Variants in PTPRO observed in about 807,000 individuals in gnomAD.
PTPRO encodes protein tyrosine phosphatase receptor type O.
In PTPRO, 62 loss-of-function variants were observed where a neutral mutation model predicts 145.2. The ratio of observed to expected loss-of-function variants is 0.43; its 90% confidence interval spans 0.35 to 0.53. The LOEUF (loss-of-function observed/expected upper bound fraction) is 0.53. Among genes scored for constraint, PTPRO ranks in the 20% least tolerant of loss-of-function variants. The pLI is 0.01. For missense variants in PTPRO, 1,345 were observed against 1,482.7 expected, an observed-to-expected ratio of 0.91 and a Z score of 1.53; for synonymous variants, 565 against 514.7, an observed-to-expected ratio of 1.10 and a Z score of -1.32.
intron 1 of PTPRO, among the ~76,000 whole-genome samples, chr12:15,417,687 T>G (rs1472907114): frequency 1.3e-5 from 2 of 151,644 alleles, no homozygotes; most frequent in Non-Finnish European, 2.9e-5. Flanking sequence ...TTGATCACAC[T>G]CCAGTTCCTT....
At chr12:15,357,185 A>C (rs1331067024) in intron 1 of PTPRO, among the ~76,000 whole-genome samples, 1 of 152,238 alleles carries the variant, frequency 6.6e-6, no homozygotes, top group African/African-American at 2.4e-5. Context: ...AGAACATGTT[A>C]GTTGAAATTA....
chr12:15,426,680 C>A (rs1329343520), intron 1 of PTPRO, among the ~76,000 whole-genome samples: 3 of 152,000 alleles, frequency 2.0e-5, no homozygotes, highest in African/African-American at 4.8e-5. Context: ...CATTGTGCTA[C>A]CTTCCTTGGT....
chr12:15,415,546 G>C (rs920836959), intron 1 of PTPRO, among the ~76,000 whole-genome samples: 1 of 151,132 alleles, frequency 6.6e-6, no homozygotes, highest in South Asian at 2.1e-4. Flanking sequence ...CACCACACCC[G>C]GCTAATTTTT....
rs560452490 is a variant in PTPRO at position 15,487,097 on chromosome 12, G to A, written c.349+2850G>A. ...CCGGCACCACAGAAGAGCTCCCCCA[G>A]CAATAGACTGCTGTTGCTTTTCACT... On this transcript the variant is annotated intron_variant, in intron 2 of 26. Transcript: ENST00000281171. 8.5e-5 allele frequency among the ~76,000 whole-genome samples: 13 copies of A among 152,156 alleles called. 2 individuals carry two copies. The highest frequency in any genetic ancestry group is 3.1e-4 in the African/African-American group (13 of 41,534).
intron 1 of PTPRO, among the ~76,000 whole-genome samples, chr12:15,475,391 C>T (rs1258137107): frequency 6.6e-6 from 1 of 152,110 alleles, no homozygotes; most frequent in Non-Finnish European, 1.5e-5. Flanking sequence ...ATGCACCAAA[C>T]AGTACTATCT....
In PTPRO at chr12:15,489,030, A is replaced by G. The variant is rs1941947563; in HGVS notation, c.349+4783A>G. 2.0e-5 allele frequency among the ~76,000 whole-genome samples: 3 copies of G among 152,174 alleles called. No individual in the cohort carries two copies. The South Asian group carries it at 6.2e-4, about 31-fold the overall frequency. ...CATAGAGACACTCTACAAATATAAT[A>G]TTCTATACAGTCCTATTCTAAATAA... is the stretch of plus-strand genomic sequence containing the variant. On this transcript the variant is annotated intron_variant, in intron 2 of 26. Transcript: ENST00000281171.
intron 12 of PTPRO, among the ~76,000 whole-genome samples, chr12:15,545,741 A>G (rs977697632): frequency 1.3e-5 from 2 of 152,142 alleles, no homozygotes; most frequent in Admixed American, 1.3e-4. Flanking sequence ...TTCTTAAAAA[A>G]TTATATTATC....
intron 1 of PTPRO, among the ~76,000 whole-genome samples, chr12:15,374,364 G>A (rs1284779203): frequency 2.6e-5 from 4 of 152,092 alleles, no homozygotes; most frequent in African/African-American, 9.7e-5. Context: ...TCAGAACTCT[G>A]AAAATTAGCC....
At chr12:15,488,681 T>C (rs1406895019) in intron 2 of PTPRO, among the ~76,000 whole-genome samples, 1 of 152,222 alleles carries the variant, frequency 6.6e-6, no homozygotes, top group African/African-American at 2.4e-5. Flanking sequence ...GGGCAGTCCT[T>C]TGATATTTCA....
chr12:15,486,935 T>C (rs1463337429), intron 2 of PTPRO, among the ~76,000 whole-genome samples: 2 of 152,148 alleles, frequency 1.3e-5, no homozygotes, highest in Non-Finnish European at 2.9e-5. Flanking sequence ...TAGTCAATAG[T>C]TGAGCTGGGT....
At chr12:15,419,462 TAAG>T (rs1384331623) in intron 1 of PTPRO, among the ~76,000 whole-genome samples, 3 of 151,606 alleles carry the variant, frequency 2.0e-5, no homozygotes, top group African/African-American at 7.3e-5. Context: ...TCATTACGCA[TAAG>T]AAGTATAGCT....
intron 1 of PTPRO, among the ~76,000 whole-genome samples, chr12:15,429,180 C>T (rs994368950): frequency 6.6e-6 from 1 of 152,142 alleles, no homozygotes; most frequent in Non-Finnish European, 1.5e-5. Context: ...TCCGTGAGTG[C>T]TTACCATGCA....
At chr12:15,581,618 A>G in intron 22 of PTPRO, 61 bp from the exon 23 acceptor site, 12 of 1,574,372 alleles carry the variant, frequency 7.6e-6, no homozygotes, top group Non-Finnish European at 1.0e-5. Flanking sequence ...TCCCTAAGTG[A>G]GCACACTTAA....
At chr12:15,522,154 T>C (rs1010471919) in intron 10 of PTPRO, among the ~76,000 whole-genome samples, 1 of 152,116 alleles carries the variant, frequency 6.6e-6, no homozygotes, top group African/African-American at 2.4e-5. Flanking sequence ...AATTAAATCA[T>C]GTAATGTAAG....
rs772690534 is a variant in PTPRO at position 15,580,710 on chromosome 12, C to A, written c.3011C>A (p.Pro1004His). The A allele has an allele frequency of 1.9e-6, 3 of 1,614,020 alleles. No homozygotes were observed. The highest frequency in any genetic ancestry group is 2.2e-5 in the East Asian group (1 of 44,856). ...NANYIPGYNS[P>H]QEYIATQGPL... ...CTTATCTTTCAGGGATACAACTCACCCCAGGAGTATATTGCCACCCAGGGG... is the reference window on the plus strand; with the variant it reads ...CTTATCTTTCAGGGATACAACTCACACCAGGAGTATATTGCCACCCAGGGG... The change falls in exon 22 of 27, where the codon CCC becomes CAC. Residue 1004 changes from proline (P) to histidine (H), a missense_variant. Coordinates refer to ENST00000281171, the MANE Select transcript of PTPRO (RefSeq NM_030667.3).
At chr12:15,548,725 A>T (rs1311568406) in intron 13 of PTPRO, among the ~76,000 whole-genome samples, 1 of 152,164 alleles carries the variant, frequency 6.6e-6, no homozygotes, top group East Asian at 1.9e-4. Flanking sequence ...AAAGAATAAA[A>T]CAGCTTAATC....
At chr12:15,510,760 C>T (rs1448568250) in intron 7 of PTPRO, among the ~76,000 whole-genome samples, 2 of 152,028 alleles carry the variant, frequency 1.3e-5, no homozygotes, top group Admixed American at 1.3e-4. Flanking sequence ...CATTATGCCA[C>T]TAAATAAATG....
chr12:15,343,169 G>C (rs1279453555), intron 1 of PTPRO, among the ~76,000 whole-genome samples: 1 of 152,040 alleles, frequency 6.6e-6, no homozygotes, highest in Non-Finnish European at 1.5e-5. Context: ...TTTAAAGCCT[G>C]TGTTAAATTT....
At chr12:15,365,399 T>A (rs1303219217) in intron 1 of PTPRO, among the ~76,000 whole-genome samples, 1 of 151,758 alleles carries the variant, frequency 6.6e-6, no homozygotes, top group Non-Finnish European at 1.5e-5. Context: ...TTTGGGGGAA[T>A]GGCTATATAT....
Sources: gnomAD v4.1 joint callset for allele counts (sites outside exome capture counted in the v4.1 genomes callset) on GRCh38, gnomAD v4.1.1 for gene constraint, MANE v1.5 for transcripts, NCBI Gene and HGNC (gene_info 2026-07-23, HGNC 2026-07-21) for gene names.